Variants in TRIOBP observed in about 807,000 individuals in gnomAD.
TRIOBP encodes TRIO and F-actin binding protein.
In TRIOBP, 169 loss-of-function variants were observed where a neutral mutation model predicts 238.8. That is an observed-to-expected ratio of 0.71 (90% CI 0.62 to 0.80). The LOEUF (loss-of-function observed/expected upper bound fraction) is 0.80, where lower values mean the gene tolerates loss of function less well. Ranked by LOEUF, TRIOBP falls within the 30% of genes least tolerant of loss-of-function variation. The pLI, the probability that TRIOBP is intolerant of heterozygous loss-of-function variation, is 0.00. For synonymous variants in TRIOBP, 1,150 were observed against 1,274.4 expected (o/e 0.90, Z 2.08); for missense variants, 2,838 against 3,122.6 (o/e 0.91, Z 2.17).
chr22:37,730,900 T>C (rs1378775288), intron 7 of TRIOBP, among the ~76,000 whole-genome samples: 1 of 145,844 alleles, frequency 6.9e-6, no homozygotes, highest in East Asian at 2.0e-4. Flanking sequence ...TGAGCTGAGA[T>C]TGCACCACTG....
At position 37,771,725 on chromosome 22, in the gene TRIOBP, A is replaced by G. The variant is rs781727636; in HGVS notation, c.6925A>G (p.Met2309Val). 1 of 1,614,144 alleles carries G rather than the reference A, an allele frequency of 6.2e-7. No individual in the cohort carries two copies. The highest frequency in any genetic ancestry group is 8.5e-7 in the Non-Finnish European group (1 of 1,180,002). ...GCAGTGCCTCCGGGACGAGCTCCAG[A>G]TGATGCAGAAGGTAGGTCCTTCCGC... ...EVQCLRDELQ[M>V]MQKDKRFTSG... is the part of the protein sequence containing the mutation. The change falls in exon 22 of 24, where the codon ATG becomes GTG. Residue 2309 changes from methionine (M) to valine (V), a missense_variant. Transcript: ENST00000644935.
At chr22:37,716,415 GTTATTATTA>G (rs201450875) in intron 6 of TRIOBP, among the ~76,000 whole-genome samples, 1 of 151,440 alleles carries the variant, frequency 6.6e-6, no homozygotes, top group Non-Finnish European at 1.5e-5. Context: ...CGCCTAGCCT[GTTATTATTA>G]TTATTATTAC....
intron 17 of TRIOBP, among the ~76,000 whole-genome samples, chr22:37,763,974 A>G (rs1240278098): frequency 6.6e-6 from 1 of 152,102 alleles, no homozygotes; most frequent in African/African-American, 2.4e-5. Context: ...TCATCTTCAA[A>G]GCCTGCAGAG....
At chr22:37,733,222 T>G in intron 7 of TRIOBP, 76 bp from the exon 8 acceptor site, 4 of 1,140,170 alleles carry the variant, frequency 3.5e-6, no homozygotes, top group Non-Finnish European at 5.2e-6. Flanking sequence ...TCTCCTCCTG[T>G]TGGAGGTGGG....
intron 11 of TRIOBP, among the ~76,000 whole-genome samples, chr22:37,744,165 C>T (rs1244633115): frequency 1.3e-5 from 2 of 151,890 alleles, no homozygotes; most frequent in Non-Finnish European, 2.9e-5. Flanking sequence ...TGTGCCACCA[C>T]GCCCGGCTAA....
At chr22:37,747,475 G>A (rs1293121628) in intron 11 of TRIOBP, among the ~76,000 whole-genome samples, 1 of 152,154 alleles carries the variant, frequency 6.6e-6, no homozygotes, top group Non-Finnish European at 1.5e-5. Context: ...GGGGCGGGCT[G>A]GGCTGCTGGG....
At chr22:37,712,830 G>C in intron 4 of TRIOBP, among the ~76,000 whole-genome samples, 1 of 151,632 alleles carries the variant, frequency 6.6e-6, no homozygotes, top group East Asian at 2.0e-4. Flanking sequence ...GGTGGCGGGC[G>C]CCTGTAGTCC....
chr22:37,735,429 TGCC>T lies in TRIOBP; in HGVS notation c.5094_5096del (p.Pro1699del). 1 of 1,566,498 alleles carries T rather than the reference TGCC, an allele frequency of 6.4e-7. No homozygotes were observed. The highest frequency in any genetic ancestry group is 8.6e-7 in the Non-Finnish European group (1 of 1,156,304). On this transcript the variant is annotated inframe_deletion, in exon 9 of 24. Transcript: ENST00000644935. ...AGGAGCACTGCGAAGGGCCCCAGCTTGCCAGAGCTGCAGGTAAGGAGGTTTCCA... is the reference window on the plus strand; with the variant it reads ...AGGAGCACTGCGAAGGGCCCCAGCTTAGAGCTGCAGGTAAGGAGGTTTCCA...
At chr22:37,767,622 C>T (rs928004549) in intron 18 of TRIOBP, among the ~76,000 whole-genome samples, 2 of 152,172 alleles carry the variant, frequency 1.3e-5, no homozygotes, top group Non-Finnish European at 2.9e-5. Context: ...AAAGTCACAT[C>T]GGTTTATGCT....
intron 6 of TRIOBP, among the ~76,000 whole-genome samples, chr22:37,719,892 C>T (rs1235147232): frequency 7.1e-6 from 1 of 141,624 alleles, no homozygotes; most frequent in Non-Finnish European, 1.5e-5. Flanking sequence ...CATCTCTGGC[C>T]TTGATTTCTC....
chr22:37,710,627 A>C, intron 4 of TRIOBP, 61 bp downstream of exon 4: 1 of 1,560,666 alleles, frequency 6.4e-7, no homozygotes, highest in East Asian at 2.3e-5. Flanking sequence ...CACCCTTCCC[A>C]TTTGCACTCC....
chr22:37,738,674 A>C lies in TRIOBP; in HGVS notation c.5139A>C (p.Pro1713=). The change falls in exon 10 of 24, where the codon CCA becomes CCC. Residue 1713 remains proline, a synonymous_variant. Coordinates refer to ENST00000644935, the MANE Select transcript of TRIOBP (RefSeq NM_001039141.3). The part of the protein sequence containing the change: ...FQPEEPEESE[P]SRGQDPLTDQ... ...CAGAGGAGCCTGAGGAGTCAGAACC[A>C]AGCAGAGGCCAAGACCCCCTGACTG... 1 of 1,613,970 alleles carries C rather than the reference A, an allele frequency of 6.2e-7. No homozygotes were observed. The highest frequency in any genetic ancestry group is 2.2e-5 in the East Asian group (1 of 44,878).
chr22:37,697,691 C>G lies in TRIOBP; in HGVS notation c.-66C>G, dbSNP rs528096993. 4.5e-4 allele frequency: 69 copies of G among 152,280 alleles called. No homozygotes were observed. Among genetic ancestry groups the G allele is most frequent in the African/African-American group, 1.4e-3 (59 of 41,466 alleles). The allele number at this position is 152,280 out of a possible 1,614,324, so 9.4% of individuals were successfully genotyped here. The stretch of plus-strand genomic sequence containing the variant: ...CACAAAAGCCTGATCCCCTGGAACA[C>G]AGCAGGTGAGGATGGATGTGGGCAG... On this transcript the variant is annotated 5_prime_UTR_variant, in exon 2 of 24. Coordinates refer to ENST00000644935, the MANE Select transcript of TRIOBP (RefSeq NM_001039141.3).
rs1354364011 is a variant in TRIOBP at position 37,774,301 on chromosome 22, C to T, written c.*521C>T. On this transcript the variant is annotated 3_prime_UTR_variant, in exon 24 of 24. Transcript: ENST00000644935. ...CTACAGGGGAGAGGCGGGAGCCTGC[C>T]ACCCTCTTCCTGCCCTACCTCCTAC... 1 of 152,290 alleles carries T rather than the reference C, an allele frequency of 6.6e-6. No individual in the cohort carries two copies. The highest frequency in any genetic ancestry group is 1.9e-4 in the East Asian group (1 of 5,172). The allele number at this position is 152,290 out of a possible 1,614,324, so 9.4% of individuals were successfully genotyped here. A position where few individuals can be genotyped will look rare whatever the true frequency, so the allele number is the denominator to read the frequency against.
At chr22:37,726,913 T>G (rs943509651) in intron 7 of TRIOBP, among the ~76,000 whole-genome samples, 7 of 62,266 alleles carry the variant, frequency 1.1e-4, no homozygotes, top group African/African-American at 2.3e-4. Context: ...TTATTTTTTG[T>G]TTTTTTTTTT....
rs1601659057 is a variant in TRIOBP at position 37,757,758 on chromosome 22, T to C, written c.5833T>C (p.Tyr1945His). ...GGACGGGCAGCGTCAGGCCTTGGACTACGTGGAGCTCTCGCCGCTGACCCA... is the reference window on the plus strand; with the variant it reads ...GGACGGGCAGCGTCAGGCCTTGGACCACGTGGAGCTCTCGCCGCTGACCCA... ...KADGQRQALD[Y>H]VELSPLTQAS... The change falls in exon 16 of 24, where the codon TAC (tyrosine) becomes CAC (histidine). Residue 1945 changes from tyrosine to histidine, a missense_variant. By Grantham distance (83) the Tyr-to-His change is moderately conservative (BLOSUM62 2). This residue lies in a region of TRIOBP where 2,096 missense variants were observed against 2,137.4 expected (regional missense o/e 0.98). Coordinates refer to ENST00000644935, the MANE Select transcript of TRIOBP (RefSeq NM_001039141.3). 1.3e-6 allele frequency: 2 copies of C among 1,561,396 alleles called. No individual in the cohort carries two copies. The highest frequency in any genetic ancestry group is 1.7e-4 in the Middle Eastern group (1 of 6,002).
chr22:37,768,262 A>G (rs1926600020), intron 19 of TRIOBP, 86 bp downstream of exon 19: 1 of 1,126,992 alleles, frequency 8.9e-7, no homozygotes, highest in Admixed American at 2.0e-5. Context: ...CGGACACATC[A>G]GTTTGCCCCT....
At chr22:37,732,806 A>G (rs1924491240) in intron 7 of TRIOBP, among the ~76,000 whole-genome samples, 1 of 152,260 alleles carries the variant, frequency 6.6e-6, no homozygotes, top group South Asian at 2.1e-4. Context: ...CGATCATGAT[A>G]CAAGTGCTTG....
At position 37,725,120 on chromosome 22, in the gene TRIOBP, A is replaced by G. The variant is rs1349737884; in HGVS notation, c.2564A>G (p.Gln855Arg). The change falls in exon 7 of 24, where the codon CAG becomes CGG. Residue 855 changes from glutamine (Q) to arginine (R), a missense_variant. By Grantham distance (43) the Gln-to-Arg change is conservative. Coordinates refer to ENST00000644935, the MANE Select transcript of TRIOBP (RefSeq NM_001039141.3). ...RPTCTQRDRT[Q>R]SFSFQRDNPG... Reference sequence around the variant, plus strand: ...ACTTGTACACAGCGGGACCGCACACAGTCCTTTTCCTTTCAACGAGACAAC... The same window carrying G: ...ACTTGTACACAGCGGGACCGCACACGGTCCTTTTCCTTTCAACGAGACAAC... 4 of 1,613,992 alleles carry G rather than the reference A, an allele frequency of 2.5e-6. No individual in the cohort carries two copies. The highest frequency in any genetic ancestry group is 3.4e-6 in the Non-Finnish European group (4 of 1,180,020).
Sources: gnomAD v4.1 joint callset for allele counts (sites outside exome capture counted in the v4.1 genomes callset) on GRCh38, gnomAD v4.1.1 for gene constraint, gnomAD v4.1.1 regional missense constraint, MANE v1.5 for transcripts, NCBI Gene and HGNC (gene_info 2026-07-23, HGNC 2026-07-21) for gene names.